The following MYO1H variants were observed in gnomAD, a reference collection of about 807,000 sequenced individuals.
MYO1H encodes the protein myosin IH.
Under a neutral mutation model 149.3 loss-of-function variants are expected in MYO1H, and 118 were observed. That is an observed-to-expected ratio of 0.79 (90% CI 0.68 to 0.92). The LOEUF (loss-of-function observed/expected upper bound fraction) is 0.92. MYO1H is among the 40% of genes least tolerant of loss of function. The probability of loss-of-function intolerance (pLI) is 0.00; values close to 1 mark genes in which losing one functional copy is unlikely to be tolerated. For synonymous variants in MYO1H, 447 were observed against 465.2 expected (o/e 0.96, Z 0.50); for missense variants, 1,212 against 1,280.7 (o/e 0.95, Z 0.82).
intron 16 of MYO1H, among the ~76,000 whole-genome samples, chr12:109,423,411 C>T (rs1388326652): frequency 6.6e-6 from 1 of 152,224 alleles, no homozygotes; most frequent in Non-Finnish European, 1.5e-5. Context: ...ATCCACCCGC[C>T]TTGGTCTCCC....
At chr12:109,382,910 A>AAATATAT (rs1302104462) in intron 1 of MYO1H, among the ~76,000 whole-genome samples, 1 of 148,432 alleles carries the variant, frequency 6.7e-6, no homozygotes, top group Non-Finnish European at 1.5e-5. Context: ...ATAAATATAT[A>AAATATAT]AATATATAAA....
Position 109,445,909 on chromosome 12 carries a change from C to T in MYO1H, c.3093+297C>T, listed in dbSNP as rs1474932914. On this transcript the variant is annotated intron_variant, in intron 31 of 31. Coordinates refer to ENST00000310903, the Ensembl canonical transcript of MYO1H. Reference sequence around the variant, plus strand: ...AACTTTTCACTGGATAAAGGCTTCACGCTTATTACAGTTATCCATAACTAT... The same window carrying T: ...AACTTTTCACTGGATAAAGGCTTCATGCTTATTACAGTTATCCATAACTAT... 1.4e-5 allele frequency: 14 copies of T among 985,296 alleles called. No homozygotes were observed. The East Asian group carries it at 4.5e-4, about 32-fold the overall frequency. The allele number at this position is 985,296 out of a possible 1,614,324, so 61.0% of individuals were successfully genotyped here.
chr12:109,436,419 C>A, intron 21 of MYO1H, 69 bp from the exon 22 acceptor site: 1 of 1,144,220 alleles, frequency 8.7e-7, no homozygotes, highest in East Asian at 2.5e-5. Flanking sequence ...CCAAACACCC[C>A]TGGAGATCAC....
the MYO1H span, among the ~76,000 whole-genome samples, chr12:109,311,329 T>C: frequency 6.6e-6 from 1 of 152,188 alleles, no homozygotes; most frequent in Non-Finnish European, 1.5e-5. Context: ...GGCCATTTAA[T>C]TAAAAAATTG....
chr12:109,444,228 A>G (rs751953412), exon 29 of MYO1H: 9 of 1,613,730 alleles, frequency 5.6e-6, no homozygotes, highest in Non-Finnish European at 7.6e-6. Context: ...TCCACTAGCA[A>G]TCTGAGTGAT....
intron 19 of MYO1H, among the ~76,000 whole-genome samples, chr12:109,428,870 G>C (rs1352110458): frequency 1.3e-5 from 2 of 151,994 alleles, no homozygotes; most frequent in South Asian, 2.1e-4. Context: ...TACATCTCTT[G>C]TCTATTTTTG....
At chr12:109,363,435 C>T (rs1315793713) in intron 1 of MYO1H, among the ~76,000 whole-genome samples, 3 of 152,292 alleles carry the variant, frequency 2.0e-5, no homozygotes, top group African/African-American at 7.2e-5. Context: ...GAGCGTCGGC[C>T]GGGCGCGGTG....
At chr12:109,424,339 A>G (rs1355180359) in intron 16 of MYO1H, among the ~76,000 whole-genome samples, 1 of 152,078 alleles carries the variant, frequency 6.6e-6, no homozygotes, top group Non-Finnish European at 1.5e-5. Context: ...TTCTTTGTAA[A>G]GATGAGGTTT....
intron 31 of MYO1H, 141 bp from the exon 32 acceptor site, chr12:109,447,018 T>C (rs2135619089): frequency 1.9e-5 from 15 of 803,256 alleles, no homozygotes; most frequent in Non-Finnish European, 3.2e-5. Context: ...TAAGTCTGGC[T>C]TGTCTCATGG....
chr12:109,406,917 C>A (rs1029753730), intron 9 of MYO1H, 57 bp downstream of exon 9: 6 of 1,501,044 alleles, frequency 4.0e-6, no homozygotes, highest in South Asian at 1.1e-5. Context: ...CTGCCTCCCT[C>A]GATAACAGCA....
the MYO1H span, among the ~76,000 whole-genome samples, chr12:109,339,414 T>C: frequency 9.8e-5 from 15 of 152,336 alleles, no homozygotes; most frequent in South Asian, 3.1e-3. Context: ...AAGCTATTGT[T>C]ATGCTTAAAA....
intron 1 of MYO1H, among the ~76,000 whole-genome samples, chr12:109,369,169 C>T (rs1003109137): frequency 6.6e-6 from 1 of 151,914 alleles, no homozygotes; most frequent in Middle Eastern, 3.2e-3. Context: ...TGTACTTTTA[C>T]TAGAGACAGG....
chr12:109,353,686 CT>C (rs1868516490), intron 1 of MYO1H, among the ~76,000 whole-genome samples: 1 of 152,138 alleles, frequency 6.6e-6, no homozygotes, highest in South Asian at 2.1e-4. Flanking sequence ...CAGTCTTGCT[CT>C]GTCACCCAGG....
intron 14 of MYO1H, among the ~76,000 whole-genome samples, chr12:109,414,476 CAA>C (rs1158287635): frequency 9.4e-4 from 54 of 57,404 alleles, no homozygotes; most frequent in African/African-American, 3.1e-3. Flanking sequence ...GACTCCATCT[CAA>C]AAAAAAAAAA....
At chr12:109,396,541 A>G in exon 4 of MYO1H, 1 of 1,613,878 alleles carries the variant, frequency 6.2e-7, no homozygotes, top group Non-Finnish European at 8.5e-7. Context: ...GTCACTACAA[A>G]TAGCCCGTGA....
rs144595463 is a variant in MYO1H, at chr12:109,391,434, G to C, written c.175-1897G>C. ...TCTCGTTCCTTTTTATGGCTACATAGTATTCCATAGTGTATATGCACTATA... is the reference window on the plus strand; with the variant it reads ...TCTCGTTCCTTTTTATGGCTACATACTATTCCATAGTGTATATGCACTATA... On this transcript the variant is annotated intron_variant, in intron 2 of 31. Transcript: ENST00000310903. Among the ~76,000 whole-genome samples, 934 of 152,246 alleles carry C rather than the reference G, an allele frequency of 6.1e-3. 11 individuals are homozygous for C. The highest frequency in any genetic ancestry group is 0.022 in the African/African-American group (898 of 41,540).
At position 109,409,348 on chromosome 12, in the gene MYO1H, C is replaced by T. The variant is rs112109948; in HGVS notation, c.1156-209C>T. Among the ~76,000 whole-genome samples the T allele has an allele frequency of 3.7e-3, 519 of 139,386 alleles. 4 individuals carry two copies. The highest frequency in any genetic ancestry group is 5.1e-3 in the Non-Finnish European group (336 of 66,516). The allele number at this position is 139,386 out of a possible 152,430, so 91.4% of individuals were successfully genotyped here. A position where few individuals can be genotyped will look rare whatever the true frequency, so the allele number is the denominator to read the frequency against. On this transcript the variant is annotated intron_variant, in intron 10 of 31. Transcript: ENST00000310903. ...ATCAGAAGGGGAAGGTCTGACTACA[C>T]AGGTGATGGCTATGGAAGCTGCAGT...
rs772866153 is a variant in MYO1H at position 109,447,157 on chromosome 12, A to G, written c.3094-2A>G. On this transcript the variant is annotated splice_acceptor_variant, in intron 31 of 31. Coordinates refer to ENST00000310903, the Ensembl canonical transcript of MYO1H. LOFTEE classifies it high-confidence loss of function. ...GTAAACCGAAGTGTGACTCTCTCCC[A>G]GGTGTCAGTCCGGAGGAAGTCCTGA... 6.3e-7 allele frequency: 1 copy of G among 1,598,606 alleles called. No homozygotes were observed. Among genetic ancestry groups the G allele is most frequent in the East Asian group, 2.3e-5 (1 of 44,426 alleles).
rs116983932 is a variant in MYO1H, at chr12:109,352,298, G to A, written c.12+4326G>A. Among the ~76,000 whole-genome samples the A allele has an allele frequency of 3.0e-4, 46 of 152,194 alleles. No homozygotes were observed. The East Asian group carries it at 8.3e-3, about 27-fold the overall frequency. ...AATTCTGCCAGCCCTGGCTAACAAC[G>A]GCATGCTGAGGCCCATGCATCTTGC... On this transcript the variant is annotated intron_variant, in intron 1 of 31. Coordinates refer to ENST00000310903, the Ensembl canonical transcript of MYO1H.
Sources: allele counts gnomAD v4.1 joint callset (sites outside exome capture counted in the v4.1 genomes callset), GRCh38; gene constraint gnomAD v4.1.1; transcripts MANE v1.5; gene names NCBI Gene and HGNC (gene_info 2026-07-23, HGNC 2026-07-21).